Variants in EPC2 observed in about 807,000 individuals in gnomAD.
The protein encoded by EPC2 is enhancer of polycomb homolog 2.
A neutral mutation model predicts 92.1 loss-of-function variants in EPC2; 14 were observed. The ratio of observed to expected loss-of-function variants is 0.15; its 90% confidence interval spans 0.10 to 0.24. The LOEUF is 0.24. Among genes scored for constraint, EPC2 ranks in the 10% least tolerant of loss-of-function variants. The probability of loss-of-function intolerance (pLI) is 1.00; values close to 1 mark genes in which losing one functional copy is unlikely to be tolerated. For missense variants in EPC2, 755 were observed against 971.5 expected, an observed-to-expected ratio of 0.78 and a Z score of 2.96; for synonymous variants, 340 against 334.7, an observed-to-expected ratio of 1.02 and a Z score of -0.17.
intron 1 of EPC2, among the ~76,000 whole-genome samples, chr2:148,685,300 G>T (rs931854599): frequency 1.3e-5 from 2 of 151,594 alleles, no homozygotes; most frequent in African/African-American, 4.9e-5. Flanking sequence ...GGAGTTCTCT[G>T]CTCTTACAGC....
intron 1 of EPC2, among the ~76,000 whole-genome samples, chr2:148,664,256 T>A (rs2105356824): frequency 6.6e-6 from 1 of 152,330 alleles, no homozygotes; most frequent in South Asian, 2.1e-4. Flanking sequence ...CCCAGCAGTT[T>A]GGGAGGCCGA....
intron 1 of EPC2, among the ~76,000 whole-genome samples, chr2:148,679,479 T>A (rs2105365557): frequency 6.6e-6 from 1 of 152,302 alleles, no homozygotes; most frequent in Non-Finnish European, 1.5e-5. Flanking sequence ...AACTGCAAGG[T>A]GACATTGTAT....
At chr2:148,720,673 G>A (rs1412219167) in intron 2 of EPC2, among the ~76,000 whole-genome samples, 1 of 152,152 alleles carries the variant, frequency 6.6e-6, no homozygotes, top group African/African-American at 2.4e-5. Flanking sequence ...AAAGATCCAT[G>A]GGAGAAGCGT....
intron 1 of EPC2, among the ~76,000 whole-genome samples, chr2:148,680,241 C>T (rs772499052): frequency 6.6e-6 from 1 of 152,130 alleles, no homozygotes. Flanking sequence ...GGGCATCTTT[C>T]CCTAACCTTC....
At chr2:148,652,636 T>G (rs940148096) in intron 1 of EPC2, among the ~76,000 whole-genome samples, 4 of 152,314 alleles carry the variant, frequency 2.6e-5, no homozygotes, top group East Asian at 3.9e-4. Flanking sequence ...GTCTATCTAC[T>G]GGCATATTGT....
chr2:148,693,817 C>T (rs1487412066), intron 2 of EPC2, among the ~76,000 whole-genome samples: 1 of 152,142 alleles, frequency 6.6e-6, no homozygotes, highest in East Asian at 1.9e-4. Context: ...CAACTTGCCT[C>T]CAGGATTACC....
At chr2:148,781,203 A>C (rs1456339266) in intron 10 of EPC2, among the ~76,000 whole-genome samples, 1 of 152,198 alleles carries the variant, frequency 6.6e-6, no homozygotes, top group African/African-American at 2.4e-5. Context: ...TCAGTGTTTT[A>C]TGAAACCAGC....
intron 3 of EPC2, among the ~76,000 whole-genome samples, chr2:148,751,168 T>G (rs369961546): frequency 6.6e-6 from 1 of 152,156 alleles, no homozygotes; most frequent in East Asian, 1.9e-4. Context: ...CCTAGTTGAC[T>G]GTTTTGTAAA....
intron 2 of EPC2, among the ~76,000 whole-genome samples, chr2:148,723,686 A>G (rs1682428057): frequency 6.6e-6 from 1 of 152,248 alleles, no homozygotes; most frequent in Non-Finnish European, 1.5e-5. Flanking sequence ...CCTGGAAACC[A>G]GAAGTCTTAC....
At chr2:148,710,119 A>T (rs891794003) in intron 2 of EPC2, among the ~76,000 whole-genome samples, 1 of 152,252 alleles carries the variant, frequency 6.6e-6, no homozygotes, top group East Asian at 1.9e-4. Context: ...GGTAATATCC[A>T]GAATCTACAA....
At chr2:148,674,106 A>T (rs1005846392) in intron 1 of EPC2, among the ~76,000 whole-genome samples, 2 of 152,136 alleles carry the variant, frequency 1.3e-5, no homozygotes, top group Non-Finnish European at 2.9e-5. Context: ...AGTCTTTACA[A>T]ACTGGTTTTG....
intron 2 of EPC2, among the ~76,000 whole-genome samples, chr2:148,701,800 T>C (rs962693995): frequency 6.6e-6 from 1 of 152,184 alleles, no homozygotes; most frequent in African/African-American, 2.4e-5. Flanking sequence ...ATGAGAGAGA[T>C]TGATAAAATT....
intron 2 of EPC2, among the ~76,000 whole-genome samples, chr2:148,733,028 C>T (rs1489634150): frequency 2.5e-5 from 3 of 121,100 alleles, no homozygotes; most frequent in Admixed American, 1.1e-4. Context: ...TGGCCAAATT[C>T]AGACTTGAAC....
intron 1 of EPC2, among the ~76,000 whole-genome samples, chr2:148,672,032 C>G (rs1331349447): frequency 6.6e-6 from 1 of 152,082 alleles, no homozygotes; most frequent in African/African-American, 2.4e-5. Flanking sequence ...TTGTGTCCAT[C>G]CTTCTTGAAA....
intron 2 of EPC2, among the ~76,000 whole-genome samples, chr2:148,712,410 G>A (rs1682164962): frequency 1.3e-5 from 2 of 151,646 alleles, no homozygotes; most frequent in African/African-American, 4.8e-5. Context: ...GCTGTCATTC[G>A]ACACACAGAC....
At chr2:148,710,505 A>G (rs187767948) in intron 2 of EPC2, among the ~76,000 whole-genome samples, 1 of 152,358 alleles carries the variant, frequency 6.6e-6, no homozygotes, top group Admixed American at 6.5e-5. Flanking sequence ...CTGGGTATAT[A>G]CCCAAAGGAT....
intron 1 of EPC2, among the ~76,000 whole-genome samples, chr2:148,654,326 A>G (rs922159285): frequency 2.0e-5 from 3 of 152,168 alleles, no homozygotes; most frequent in African/African-American, 7.2e-5. Context: ...TTTCACTTAT[A>G]CAGGATAACA....
In EPC2 at chr2:148,644,895, G is replaced by C; in HGVS notation, c.-123G>C. The C allele has an allele frequency of 1.2e-6, 1 of 825,438 alleles. No individual in the cohort carries two copies. 51.1% of individuals were successfully genotyped at this position (825,438 alleles called of 1,614,324 possible). On this transcript the variant is annotated 5_prime_UTR_variant, in exon 1 of 14. Coordinates refer to ENST00000258484, the MANE Select transcript of EPC2 (RefSeq NM_015630.4). ...TGCTGTGGCCGGGGGCAGTGAGGAG[G>C]AGGAGGAGCGGGCCGGCCGCGCTGC... is the stretch of plus-strand genomic sequence containing the variant.
At chr2:148,684,484 A>T (rs1681473076) in intron 1 of EPC2, among the ~76,000 whole-genome samples, 2 of 152,192 alleles carry the variant, frequency 1.3e-5, no homozygotes, top group South Asian at 4.1e-4. Flanking sequence ...GTTTCAGGTC[A>T]GTTGATTTTT....
Sources: gnomAD v4.1 joint callset for allele counts (sites outside exome capture counted in the v4.1 genomes callset) on GRCh38, gnomAD v4.1.1 for gene constraint, MANE v1.5 for transcripts, NCBI Gene and HGNC (gene_info 2026-07-23, HGNC 2026-07-21) for gene names.